Variants in SAMMSON observed in about 807,000 individuals in gnomAD.
SAMMSON encodes the protein long intergenic non-protein coding RNA 1212.
chr3:70,045,059 A>G (rs1427877314), intron 3 of SAMMSON, among the ~76,000 whole-genome samples: 1 of 103,562 alleles, frequency 9.7e-6, no homozygotes, highest in Non-Finnish European at 1.8e-5. Flanking sequence ...ATAATTAATT[A>G]TAATATATAT....
chr3:70,385,254 A>G (rs1205614854), intron 9 of SAMMSON, among the ~76,000 whole-genome samples: 1 of 152,096 alleles, frequency 6.6e-6, no homozygotes, highest in Non-Finnish European at 1.5e-5. Flanking sequence ...AACAGAGAAA[A>G]ATGTTCTTAT....
intron 4 of SAMMSON, among the ~76,000 whole-genome samples, chr3:70,191,160 G>A (rs1479564034): frequency 6.6e-6 from 1 of 152,194 alleles, no homozygotes; most frequent in African/African-American, 2.4e-5. Context: ...GAAACAAAGA[G>A]GATGTTGGGG....
chr3:70,410,526 A>G (rs968977517), intron 2 of SAMMSON, among the ~76,000 whole-genome samples: 13 of 152,354 alleles, frequency 8.5e-5, no homozygotes, highest in African/African-American at 3.1e-4. Context: ...AAGGGAAAAA[A>G]GGGTTTCAGA....
intron 7 of SAMMSON, among the ~76,000 whole-genome samples, chr3:70,313,096 A>G (rs1702469155): frequency 6.6e-6 from 1 of 152,162 alleles, no homozygotes; most frequent in Non-Finnish European, 1.5e-5. Flanking sequence ...TTTTTTGATC[A>G]TCTGTAGATA....
At chr3:70,393,702 A>T (rs146534887), downstream of SAMMSON, among the ~76,000 whole-genome samples, 4 of 152,206 alleles carry the variant, frequency 2.6e-5, no homozygotes, top group African/African-American at 9.6e-5. Flanking sequence ...TGGCCAGGCA[A>T]AAAGTGTAGG....
chr3:70,370,905 G>A (rs1170793046), intron 9 of SAMMSON, among the ~76,000 whole-genome samples: 1 of 151,906 alleles, frequency 6.6e-6, no homozygotes, highest in Non-Finnish European at 1.5e-5. Flanking sequence ...CAATGCTCAG[G>A]GGAGTTTTCC....
At chr3:70,145,979 C>A (rs954156545) in intron 4 of SAMMSON, among the ~76,000 whole-genome samples, 1 of 151,848 alleles carries the variant, frequency 6.6e-6, no homozygotes, top group Non-Finnish European at 1.5e-5. Flanking sequence ...AGAGAAAAGA[C>A]ACACATTCTT....
chr3:70,160,665 A>T (rs997398324), intron 4 of SAMMSON, among the ~76,000 whole-genome samples: 1 of 152,050 alleles, frequency 6.6e-6, no homozygotes, highest in Non-Finnish European at 1.5e-5. Context: ...CTCCTTTATC[A>T]TCTGGGTCTT....
At chr3:70,315,525 C>CT (rs1362121687) in intron 7 of SAMMSON, among the ~76,000 whole-genome samples, 1 of 152,236 alleles carries the variant, frequency 6.6e-6, no homozygotes, top group East Asian at 1.9e-4. Flanking sequence ...ACACCAAGTA[C>CT]TTTTTCCTGG....
intron 4 of SAMMSON, among the ~76,000 whole-genome samples, chr3:70,242,809 A>G (rs1701675332): frequency 6.6e-6 from 1 of 152,122 alleles, no homozygotes; most frequent in South Asian, 2.1e-4. Flanking sequence ...AGCATTGGTA[A>G]TCTAATTTTT....
At chr3:70,321,415 G>A (rs1702537878) in intron 7 of SAMMSON, among the ~76,000 whole-genome samples, 1 of 152,020 alleles carries the variant, frequency 6.6e-6, no homozygotes, top group South Asian at 2.1e-4. Flanking sequence ...ACACTGTTGT[G>A]TGAATCAATA....
At chr3:70,287,431 T>G (rs1702177899) in intron 6 of SAMMSON, among the ~76,000 whole-genome samples, 1 of 151,752 alleles carries the variant, frequency 6.6e-6, no homozygotes, top group Admixed American at 6.6e-5. Context: ...GTGGATAAAC[T>G]TTTTGATGTG....
intron 7 of SAMMSON, chr3:70,332,662 A>ATCTC (rs1702630092): frequency 1.3e-5 from 2 of 151,888 alleles, no homozygotes; most frequent in South Asian, 4.2e-4. Context: ...GTGTGGCACG[A>ATCTC]TCTCGGCTCA....
chr3:70,126,081 C>A (rs540860409), intron 4 of SAMMSON: 2 of 1,200,970 alleles, frequency 1.7e-6, no homozygotes, highest in African/African-American at 1.5e-5. Flanking sequence ...AGAACTTAGG[C>A]ACGCTTGCCA....
chr3:70,378,193 C>G (rs1346232280), intron 9 of SAMMSON, among the ~76,000 whole-genome samples: 1 of 151,470 alleles, frequency 6.6e-6, no homozygotes, highest in Non-Finnish European at 1.5e-5. Flanking sequence ...TAGCACAAAA[C>G]TGCAATCACT....
At chr3:70,430,137 T>A (rs1275103772) in intron 2 of SAMMSON, among the ~76,000 whole-genome samples, 1 of 152,198 alleles carries the variant, frequency 6.6e-6, no homozygotes. Context: ...TTGAGATACG[T>A]TCCATCAGTA....
At chr3:70,325,491 T>A (rs1702571865) in intron 7 of SAMMSON, among the ~76,000 whole-genome samples, 1 of 152,130 alleles carries the variant, frequency 6.6e-6, no homozygotes, top group Admixed American at 6.6e-5. Context: ...AATAATCAAC[T>A]CAAAAGCATC....
At chr3:70,242,674 T>C (rs1701674520) in intron 4 of SAMMSON, among the ~76,000 whole-genome samples, 1 of 152,236 alleles carries the variant, frequency 6.6e-6, no homozygotes, top group African/African-American at 2.4e-5. Context: ...ATGAAAAATG[T>C]GTATATCTAT....
chr3:70,066,595 T>C (rs1246968956), intron 3 of SAMMSON, among the ~76,000 whole-genome samples: 8 of 152,250 alleles, frequency 5.3e-5, no homozygotes, highest in Non-Finnish European at 1.2e-4. Flanking sequence ...AAACAGAGTA[T>C]CATATTTATA....
Sources: gnomAD v4.1 joint callset for allele counts (sites outside exome capture counted in the v4.1 genomes callset) on GRCh38, gnomAD v4.1.1 for gene constraint, MANE v1.5 for transcripts, NCBI Gene and HGNC (gene_info 2026-07-23, HGNC 2026-07-21) for gene names.